Variants in ABCC6 observed in about 807,000 individuals in gnomAD.
ABCC6 encodes ATP binding cassette subfamily C member 6.
ABCC6 carries 126 observed loss-of-function variants against 169.5 expected under a neutral mutation model. The ratio of observed to expected loss-of-function variants is 0.74; its 90% confidence interval spans 0.64 to 0.86. ABCC6 has a LOEUF of 0.86. ABCC6 is among the 40% of genes least tolerant of loss of function. The pLI, the probability that ABCC6 is intolerant of heterozygous loss-of-function variation, is 0.00. For missense variants in ABCC6, 1,733 were observed against 1,927.2 expected, an observed-to-expected ratio of 0.90 and a Z score of 1.89; for synonymous variants, 752 against 814.7, an observed-to-expected ratio of 0.92 and a Z score of 1.31.
In ABCC6 at chr16:16,188,879, G is replaced by A. The variant is rs139771750; in HGVS notation, c.1731C>T (p.Leu577=). The stretch of plus-strand genomic sequence containing the variant: ...AGGGCAGGAAAGCCTGGGCCTTGTT[G>A]AGGATGTTGAGAACTGTGAGAGTCA... The part of the protein sequence containing the change: ...AFVTLTVLNI[L]NKAQAFLPFS... Residue 577 remains leucine, a synonymous_variant, in exon 13 of 31, where the codon CTC becomes CTT. Transcript: ENST00000205557. 1.9e-6 allele frequency: 3 copies of A among 1,614,092 alleles called. No individual in the cohort carries two copies. The highest frequency in any genetic ancestry group is 2.5e-6 in the Non-Finnish European group (3 of 1,180,050).
rs72653705 is a variant in ABCC6 at position 16,165,841 on chromosome 16, G to A, written c.3088C>T (p.Arg1030Ter). 3.2e-5 allele frequency: 51 copies of A among 1,613,370 alleles called. 1 individual carries two copies. Among genetic ancestry groups the A allele is most frequent in the South Asian group, 7.7e-5 (7 of 91,090 alleles). ...CGCTCAAAGAAGCTGATGGGAGATC[G>A]CACCACATCCCACAGGAGCCTCTGG... ...LFQRLLWDVV[R>*]SPISFFERTP... Residue 1030 changes from arginine to a stop codon, truncating the protein, a stop_gained, in exon 23 of 31, where the codon CGA becomes TGA. Coordinates refer to ENST00000205557, the MANE Select transcript of ABCC6 (RefSeq NM_001171.6). LOFTEE classifies it high-confidence loss of function.
chr16:16,182,523 G>T lies in ABCC6; in HGVS notation c.2136C>A (p.Cys712Ter), dbSNP rs1311825834. ...VQNTSVVENV[C>*]FGQELDPPWL... is the part of the protein sequence containing the mutation. ...AGGGTGGGTCCAGCTCCTGCCCGAA[G>T]CACACATTCTCTACCACAGAGGTGT... Residue 712 changes from cysteine to a stop codon, truncating the protein, a stop_gained, in exon 17 of 31, where the codon TGC becomes TGA. Coordinates refer to ENST00000205557, the MANE Select transcript of ABCC6 (RefSeq NM_001171.6). LOFTEE classifies it high-confidence loss of function. The T allele has an allele frequency of 6.2e-7, 1 of 1,614,056 alleles. No homozygotes were observed. The highest frequency in any genetic ancestry group is 8.5e-7 in the Non-Finnish European group (1 of 1,180,042).
intron 10 of ABCC6, among the ~76,000 whole-genome samples, chr16:16,197,304 A>C (rs910391160): frequency 6.6e-6 from 1 of 152,124 alleles, no homozygotes; most frequent in Non-Finnish European, 1.5e-5. Context: ...ACTGAGGCCC[A>C]GAGAGGGTGA....
rs1031366981 is a variant in ABCC6 at position 16,187,065 on chromosome 16, G to A, written c.1867+59C>T. On this transcript the variant is annotated intron_variant, in intron 14 of 30. Coordinates refer to ENST00000205557, the MANE Select transcript of ABCC6 (RefSeq NM_001171.6). ...TGATGCTGGCTTGCCATTATGGGCT[G>A]GGGTGGCCCCCACATCCCCCATCCC... 1.9e-4 allele frequency: 280 copies of A among 1,450,496 alleles called. 5 individuals carry two copies. Among genetic ancestry groups the A allele is most frequent in the Non-Finnish European group, 2.6e-4 (271 of 1,042,026 alleles). The allele number at this position is 1,450,496 out of a possible 1,614,324, so 89.9% of individuals were successfully genotyped here. A position where few individuals can be genotyped will look rare whatever the true frequency, so the allele number is the denominator to read the frequency against.
Position 16,154,656 on chromosome 16 carries a change from T to C in ABCC6, c.4180A>G (p.Lys1394Glu). 1.2e-6 allele frequency: 2 copies of C among 1,612,754 alleles called. No homozygotes were observed. The highest frequency in any genetic ancestry group is 1.1e-5 in the South Asian group (1 of 91,028). Residue 1394 changes from lysine (K) to glutamate (E), a missense_variant, in exon 29 of 31, where the codon AAG becomes GAG. By Grantham distance (56) the Lys-to-Glu change is moderately conservative (BLOSUM62 1). Coordinates refer to ENST00000205557, the MANE Select transcript of ABCC6 (RefSeq NM_001171.6). ...VASLPGQLQY[K>E]CADRGEDLSV... ...AGGTCCTCGCCTCGGTCAGCACACTTGTACTGCAGCTGGCCGGGCAGGCTG... is the reference window on the plus strand; with the variant it reads ...AGGTCCTCGCCTCGGTCAGCACACTCGTACTGCAGCTGGCCGGGCAGGCTG...
At chr16:16,175,216 A>T (rs1391405339) in intron 20 of ABCC6, among the ~76,000 whole-genome samples, 1 of 152,164 alleles carries the variant, frequency 6.6e-6, no homozygotes, top group Non-Finnish European at 1.5e-5. Context: ...GCTAGCTGGG[A>T]TGGGGGTCAG....
chr16:16,193,090 G>C (rs1304231358), intron 10 of ABCC6, among the ~76,000 whole-genome samples, 168 bp from the exon 11 acceptor site: 1 of 152,164 alleles, frequency 6.6e-6, no homozygotes, highest in Non-Finnish European at 1.5e-5. Context: ...GGATGAGATA[G>C]GAGGTCGGCA....
At position 16,154,903 on chromosome 16, in the gene ABCC6, T is replaced by C. The variant is rs58259232; in HGVS notation, c.4011A>G (p.Thr1337=). 52 of 1,611,620 alleles carry C rather than the reference T, an allele frequency of 3.2e-5. No homozygotes were observed. The highest frequency in any genetic ancestry group is 4.3e-5 in the Non-Finnish European group (51 of 1,179,116). Residue 1337 remains threonine, a synonymous_variant, in exon 28 of 31, where the codon ACA becomes ACG. Transcript: ENST00000205557. ...GVPIAHVGLH[T]LRSRISIIPQ... is the part of the protein sequence containing the mutation. The stretch of plus-strand genomic sequence containing the variant: ...GGATGATGCTGATCCTGGAGCGCAG[T>C]GTGTGCAGCCCCACGTGGGCAATGG...
intron 14 of ABCC6, among the ~76,000 whole-genome samples, chr16:16,186,002 G>A (rs1165759147): frequency 2.0e-5 from 3 of 152,132 alleles, no homozygotes; most frequent in Admixed American, 2.0e-4. Context: ...ATGGGAACAC[G>A]GAAGCTCAGA....
Position 16,214,414 on chromosome 16 carries a change from G to A in ABCC6, c.510C>T (p.Thr170=). The A allele has an allele frequency of 1.3e-6, 2 of 1,551,326 alleles. No individual in the cohort carries two copies. ...CCACCACCAGAGACAGGCATAGGTAGGTGGACAGGTGGCGGACAGGGTCGC... is the reference window on the plus strand; with the variant it reads ...CCACCACCAGAGACAGGCATAGGTAAGTGGACAGGTGGCGGACAGGGTCGC... The part of the protein sequence containing the change: ...FQSDPVRHLS[T]YLCLSLVVAQ... The change falls in exon 5 of 31, where the codon ACC becomes ACT. Residue 170 remains threonine (T), a synonymous_variant. Coordinates refer to ENST00000205557, the MANE Select transcript of ABCC6 (RefSeq NM_001171.6).
chr16:16,189,800 G>A (rs1246265062), intron 12 of ABCC6, among the ~76,000 whole-genome samples: 2 of 152,152 alleles, frequency 1.3e-5, no homozygotes, highest in Admixed American at 6.5e-5. Context: ...GGCAGGACAA[G>A]GATCACGTCC....
intron 6 of ABCC6, among the ~76,000 whole-genome samples, chr16:16,211,095 CA>C (rs200718671): frequency 1.9e-4 from 27 of 142,966 alleles, no homozygotes; most frequent in East Asian, 4.1e-4. Flanking sequence ...AACTCTGTCT[CA>C]AAAAAAAAAA....
rs2047805338 is a variant in ABCC6, at chr16:16,190,293, C to A, written c.1506G>T (p.Lys502Asn). 1 of 1,614,180 alleles carries A rather than the reference C, an allele frequency of 6.2e-7. No homozygotes were observed. Among genetic ancestry groups the A allele is most frequent in the African/African-American group, 1.3e-5 (1 of 75,056 alleles). ...SSILRNSKTI[K>N]FHGWEGAFLD... ...GAAAGGCTCCCTCCCAGCCATGGAA[C>A]TTGATGGTCTTCGAGTTCCTGAGGA... Residue 502 changes from lysine to asparagine, a missense_variant, in exon 12 of 31, where the codon AAG becomes AAT. Around this residue, in one of 5 missense-constraint regions of ABCC6, gnomAD observed 1,601 missense variants for 1,635.5 expected, o/e 0.98. Coordinates refer to ENST00000205557, the MANE Select transcript of ABCC6 (RefSeq NM_001171.6).
Position 16,185,074 on chromosome 16 carries a change from C to T in ABCC6, c.1868-40G>A. ...AGGCCATTTACAGGAGACCCCTGAC[C>T]TGGCCGGCCTCTGCATCGGAGAGGC... On this transcript the variant is annotated intron_variant, in intron 14 of 30. Transcript: ENST00000205557. 3 of 1,589,704 alleles carry T rather than the reference C, an allele frequency of 1.9e-6. No homozygotes were observed. In the South Asian group the frequency reaches 3.3e-5, roughly 18 times the overall value.
chr16:16,166,860 T>C (rs2046892044), intron 22 of ABCC6, among the ~76,000 whole-genome samples: 1 of 151,996 alleles, frequency 6.6e-6, no homozygotes, highest in South Asian at 2.1e-4. Context: ...ATCGTGCTAC[T>C]GCACTCCAGC....
chr16:16,154,263 CA>C lies in ABCC6; in HGVS notation c.4208+364del, dbSNP rs569078423. The stretch of plus-strand genomic sequence containing the variant: ...TGCCCAGTCCACACTTGACATTTAC[CA>C]AAAAAAAAAATCCTATATTATAGTC... On this transcript the variant is annotated intron_variant, in intron 29 of 30. Transcript: ENST00000205557. Among the ~76,000 whole-genome samples, 1,455 of 145,930 alleles carry C rather than the reference CA, an allele frequency of 1.0e-2. 25 individuals are homozygous for C. The highest frequency in any genetic ancestry group is 0.034 in the African/African-American group (1,362 of 40,122).
chr16:16,194,170 T>C (rs943454683), intron 10 of ABCC6, among the ~76,000 whole-genome samples: 2 of 152,188 alleles, frequency 1.3e-5, no homozygotes, highest in Non-Finnish European at 2.9e-5. Flanking sequence ...TCATCTCCCT[T>C]AGGTGCAATT....
chr16:16,220,910 C>A lies in ABCC6; in HGVS notation c.219+739G>T, dbSNP rs4780619. 4.7e-5 allele frequency among the ~76,000 whole-genome samples: 7 copies of A among 149,976 alleles called. No homozygotes were observed. The South Asian group carries it at 1.1e-3, about 23-fold the overall frequency. On this transcript the variant is annotated intron_variant, in intron 2 of 30. Coordinates refer to ENST00000205557, the MANE Select transcript of ABCC6 (RefSeq NM_001171.6). Reference sequence around the variant, plus strand: ...AAAACTGCATCTCAAAAAAAAAAAACAAACAAAAAAGTAACACAGTCATGA... The same window carrying A: ...AAAACTGCATCTCAAAAAAAAAAAAAAAACAAAAAAGTAACACAGTCATGA...
At position 16,173,328 on chromosome 16, in the gene ABCC6, T is replaced by C; in HGVS notation, c.2743A>G (p.Arg915Gly). 1.2e-6 allele frequency: 2 copies of C among 1,614,108 alleles called. No individual in the cohort carries two copies. The highest frequency in any genetic ancestry group is 1.7e-6 in the Non-Finnish European group (2 of 1,180,014). ...TCCTTTCCTGCTGGCCATCCTGCCC[T>C]GTCAGGGTCATCCAGAGGAACCTCT... ...QTEVPLDDPD[R>G]AGWPAGKDSI... Residue 915 changes from arginine (R) to glycine (G), a missense_variant, in exon 21 of 31, where the codon AGG (arginine) becomes GGG (glycine). Transcript: ENST00000205557.
Sources: gnomAD v4.1 joint callset for allele counts (sites outside exome capture counted in the v4.1 genomes callset) on GRCh38, gnomAD v4.1.1 for gene constraint, gnomAD v4.1.1 regional missense constraint, MANE v1.5 for transcripts, NCBI Gene and HGNC (gene_info 2026-07-23, HGNC 2026-07-21) for gene names.